PSEN2: variants seen among roughly 807,000 people sequenced by gnomAD.
PSEN2 encodes presenilin-2.
A neutral mutation model predicts 49.1 loss-of-function variants in PSEN2; 32 were observed. The observed-to-expected ratio is 0.65, with a 90% confidence interval of 0.49 to 0.88. The LOEUF is 0.88. Ranked by LOEUF, PSEN2 falls within the 40% of genes least tolerant of loss-of-function variation. The pLI is 0.00. For missense variants in PSEN2, 522 were observed against 586.9 expected (o/e 0.89, Z 1.14); for synonymous variants, 255 against 244.0 (o/e 1.05, Z -0.42).
intron 10 of PSEN2, 41 bp downstream of exon 10, chr1:226,891,402 G>T (rs756315272): frequency 1.3e-6 from 2 of 1,537,300 alleles, no homozygotes; most frequent in African/African-American, 2.7e-5. Context: ...ATCACTGGGG[G>T]GCAGCTCCCT....
chr1:226,878,629 G>A (rs1660784051), intron 3 of PSEN2, among the ~76,000 whole-genome samples: 1 of 152,194 alleles, frequency 6.6e-6, no homozygotes, highest in Admixed American at 6.5e-5. Flanking sequence ...GCTGCAGCCT[G>A]TGGCTTTTTA....
At chr1:226,893,968 A>G (rs2102694864) in intron 11 of PSEN2, 39 bp from the exon 12 acceptor site, 3 of 1,523,814 alleles carry the variant, frequency 2.0e-6, no homozygotes, top group Non-Finnish European at 2.7e-6. Context: ...CATTCTGTGC[A>G]CGCCTCTTCA....
At chr1:226,886,652 A>C (rs144004955) in intron 6 of PSEN2, among the ~76,000 whole-genome samples, 1 of 152,236 alleles carries the variant, frequency 6.6e-6, no homozygotes, top group African/African-American at 2.4e-5. Context: ...GCTGCCATCC[A>C]TGGAGCAGGT....
At chr1:226,871,982 TG>T (rs1660328160) in intron 2 of PSEN2, among the ~76,000 whole-genome samples, 1 of 152,248 alleles carries the variant, frequency 6.6e-6, no homozygotes, top group Admixed American at 6.5e-5. Flanking sequence ...TGAAGTGGGA[TG>T]GATGTATCAG....
chr1:226,901,250 A>G (rs1662310979), downstream of PSEN2, among the ~76,000 whole-genome samples: 1 of 152,104 alleles, frequency 6.6e-6, no homozygotes, highest in Non-Finnish European at 1.5e-5. Flanking sequence ...AGCCTGGCCG[A>G]CATGGTGAAA....
intron 2 of PSEN2, among the ~76,000 whole-genome samples, chr1:226,872,212 C>T (rs956259554): frequency 2.6e-5 from 4 of 152,206 alleles, no homozygotes; most frequent in Non-Finnish European, 4.4e-5. Context: ...CTCACCGTCC[C>T]CCCAAGGGGG....
chr1:226,890,630 C>G (rs1287071204), intron 9 of PSEN2: 1 of 227,320 alleles, frequency 4.4e-6, no homozygotes, highest in African/African-American at 2.3e-5. Context: ...TCAACAAAGG[C>G]ACATCAAGTC....
downstream of PSEN2, chr1:226,897,792 T>A (rs1264195509): frequency 1.3e-5 from 2 of 155,498 alleles, no homozygotes; most frequent in African/African-American, 4.8e-5. Context: ...TGCCTCCGCC[T>A]CCTGTCCTGA....
At chr1:226,888,027 C>T in intron 6 of PSEN2, 64 bp from the exon 7 acceptor site, 1 of 1,354,812 alleles carries the variant, frequency 7.4e-7, no homozygotes, top group Admixed American at 1.7e-5. Context: ...TCTCAGGATC[C>T]TGGGGGCCTT....
In PSEN2 at chr1:226,888,933, C is replaced by T. The variant is rs2102684411; in HGVS notation, c.671C>T (p.Pro224Leu). The T allele has an allele frequency of 2.5e-6, 4 of 1,614,178 alleles. No homozygotes were observed. The highest frequency in any genetic ancestry group is 3.3e-5 in the Admixed American group (2 of 60,016). Residue 224 changes from proline to leucine, a missense_variant, in exon 8 of 13, where the codon CCT becomes CTT. Coordinates refer to ENST00000366783, the MANE Select transcript of PSEN2 (RefSeq NM_000447.3). ...VGMVCIHWKG[P>L]LVLQQAYLIM... is the part of the protein sequence containing the mutation. Reference sequence around the variant, plus strand: ...ATGGTGTGCATCCACTGGAAGGGCCCTCTGGTGCTGCAGCAGGCCTACCTC... The same window carrying T: ...ATGGTGTGCATCCACTGGAAGGGCCTTCTGGTGCTGCAGCAGGCCTACCTC...
chr1:226,890,159 C>A, intron 9 of PSEN2, 26 bp downstream of exon 9: 1 of 1,578,430 alleles, frequency 6.3e-7, no homozygotes, highest in Non-Finnish European at 8.7e-7. Context: ...GTGCCTCTGC[C>A]TGACTCGGGG....
intron 5 of PSEN2, 61 bp downstream of exon 5, chr1:226,883,980 G>GGGGGGGGGGC: frequency 8.1e-7 from 1 of 1,228,004 alleles, no homozygotes. Context: ...GGGGGTGGGG[G>GGGGGGGGGGC]GCGCAGCAGC....
At chr1:226,888,522 C>A (rs1800681) in intron 7 of PSEN2, among the ~76,000 whole-genome samples, 5 of 152,078 alleles carry the variant, frequency 3.3e-5, no homozygotes, top group South Asian at 2.1e-4. Context: ...TCTATCGCCC[C>A]TTGATTTGGG....
In PSEN2 at chr1:226,891,829, G is replaced by T; in HGVS notation, c.1057G>T (p.Glu353Ter). 6.2e-7 allele frequency: 1 copy of T among 1,614,066 alleles called. No individual in the cohort carries two copies. The highest frequency in any genetic ancestry group is 1.1e-5 in the South Asian group (1 of 91,076). The change falls in exon 11 of 13, where the codon GAG becomes TAG. Residue 353 changes from glutamate to a stop codon, truncating the protein, a stop_gained. Transcript: ENST00000366783. LOFTEE classifies it high-confidence loss of function. Reference sequence around the variant, plus strand: ...GACTGGCTACCCAGGGGAGGAGCTGGAGGAAGAGGAGGAAAGTAAGGTGCC... The same window carrying T: ...GACTGGCTACCCAGGGGAGGAGCTGTAGGAAGAGGAGGAAAGTAAGGTGCC... ...PLTGYPGEEL[E>*]EEEERGVKLG...
At chr1:226,894,469 A>G (rs553500994) in intron 12 of PSEN2, among the ~76,000 whole-genome samples, 7 of 152,346 alleles carry the variant, frequency 4.6e-5, no homozygotes, top group East Asian at 3.9e-4. Flanking sequence ...TCAGATTTGC[A>G]GAAAAGAAAA....
chr1:226,891,782 C>G lies in PSEN2; in HGVS notation c.1010C>G (p.Pro337Arg). ...SYDSFGEPSY[P>R]EVFEPPLTGY... ...GACAGTTTTGGGGAGCCTTCATACC[C>G]CGAAGTCTTTGAGCCTCCCTTGACT... The change falls in exon 11 of 13, where the codon CCC becomes CGC. Residue 337 changes from proline (P) to arginine (R), a missense_variant. Pro to Arg is a moderately radical substitution (Grantham distance 103, BLOSUM62 -2). Coordinates refer to ENST00000366783, the MANE Select transcript of PSEN2 (RefSeq NM_000447.3). 1 of 1,614,136 alleles carries G rather than the reference C, an allele frequency of 6.2e-7. No homozygotes were observed.
At chr1:226,878,109 T>G (rs1660750168) in intron 3 of PSEN2, among the ~76,000 whole-genome samples, 1 of 151,966 alleles carries the variant, frequency 6.6e-6, no homozygotes, top group Non-Finnish European at 1.5e-5. Context: ...AGACAGAGTC[T>G]CACTCTGTCG....
In PSEN2 at chr1:226,895,582, G is replaced by C; in HGVS notation, c.*3G>C. 1 of 1,610,314 alleles carries C rather than the reference G, an allele frequency of 6.2e-7. No individual in the cohort carries two copies. Among genetic ancestry groups the C allele is most frequent in the Non-Finnish European group, 8.5e-7 (1 of 1,178,204 alleles). On this transcript the variant is annotated 3_prime_UTR_variant, in exon 13 of 13. Coordinates refer to ENST00000366783, the MANE Select transcript of PSEN2 (RefSeq NM_000447.3). ...CCTCCCATCAGCTCTACATCTGAGG[G>C]ACATGGTGTGCCACAGGCTGCAAGC...
downstream of PSEN2, among the ~76,000 whole-genome samples, chr1:226,900,556 T>C (rs371789390): frequency 3.5e-4 from 54 of 152,336 alleles, 1 homozygote; most frequent in African/African-American, 1.3e-3. Context: ...AACCACTGCC[T>C]TTCTTTCAGC....
Sources: gnomAD v4.1 joint callset for allele counts (sites outside exome capture counted in the v4.1 genomes callset) on GRCh38, gnomAD v4.1.1 for gene constraint, MANE v1.5 for transcripts, NCBI Gene and HGNC (gene_info 2026-07-23, HGNC 2026-07-21) for gene names.